The following ITGAX variants were observed in gnomAD, a reference collection of about 807,000 sequenced individuals.
The protein encoded by ITGAX is integrin alpha-X.
In ITGAX, 99 loss-of-function variants were observed where a neutral mutation model predicts 140.2. That is an observed-to-expected ratio of 0.71 (90% CI 0.60 to 0.83). The LOEUF is 0.83. ITGAX is among the 40% of genes least tolerant of loss of function. The probability of loss-of-function intolerance (pLI) is 0.00; values close to 1 mark genes in which losing one functional copy is unlikely to be tolerated. For missense variants in ITGAX, 1,444 were observed against 1,482.0 expected (o/e 0.97, Z 0.42); for synonymous variants, 631 against 600.4 (o/e 1.05, Z -0.75).
At position 31,371,111 on chromosome 16, in the gene ITGAX, AG is replaced by A. The variant is rs774637560; in HGVS notation, c.1740del (p.Arg580SerfsTer9). 6.2e-7 allele frequency: 1 copy of A among 1,614,004 alleles called. No homozygotes were observed. The highest frequency in any genetic ancestry group is 8.5e-7 in the Non-Finnish European group (1 of 1,180,018). ...QRIAGSQLSS[R>X]LQYFGQALSG... ...GATCGCGGGCTCCCAGCTCTCCTCC[AG>A]GCTGCAGTATTTTGGGCAGGCACTG... On this transcript the variant is annotated frameshift_variant, in exon 15 of 30. Transcript: ENST00000268296. LOFTEE classifies it high-confidence loss of function.
At chr16:31,355,324 G>A in intron 1 of ITGAX, 33 bp downstream of exon 1, 1 of 1,612,778 alleles carries the variant, frequency 6.2e-7, no homozygotes, top group African/African-American at 1.3e-5. Context: ...TAGGGCTGGG[G>A]ACCCAGGCCC....
In ITGAX at chr16:31,377,490, T is replaced by C. The variant is rs77124243; in HGVS notation, c.2789+225T>C. On this transcript the variant is annotated intron_variant, in intron 23 of 29. Transcript: ENST00000268296. Reference sequence around the variant, plus strand: ...TTTCCATACATTCATTTGACATTCATTGAAGATTTACTGAGCCCCCATTAT... The same window carrying C: ...TTTCCATACATTCATTTGACATTCACTGAAGATTTACTGAGCCCCCATTAT... Among the ~76,000 whole-genome samples the C allele has an allele frequency of 3.9e-3, 593 of 152,308 alleles. 7 individuals are homozygous for C. Among genetic ancestry groups the C allele is most frequent in the African/African-American group, 0.013 (550 of 41,570 alleles).
rs771874041 is a variant in ITGAX at position 31,357,160 on chromosome 16, G to A, written c.318+59G>A. ...GGAGGGAGGGAGGAGCCGGGGCCGC[G>A]GGGGGCTGGGAGTCTCCTGTAGGGT... On this transcript the variant is annotated intron_variant, in intron 4 of 29. Coordinates refer to ENST00000268296, the MANE Select transcript of ITGAX (RefSeq NM_000887.5). The A allele has an allele frequency of 2.9e-5, 45 of 1,564,106 alleles. No individual in the cohort carries two copies. In the African/African-American group the frequency reaches 5.3e-4, roughly 18 times the overall value.
rs201888111 is a variant in ITGAX, at chr16:31,379,807, G to A, written c.2919G>A (p.Val973=). The A allele has an allele frequency of 5.6e-6, 9 of 1,614,180 alleles. No individual in the cohort carries two copies. The highest frequency in any genetic ancestry group is 7.6e-6 in the Non-Finnish European group (9 of 1,180,030). ...TGCCTGTCAGCATCAACTTCTGGGTGCCTGTGGAGCTGAACCAGGAGGCTG... is the reference window on the plus strand; with the variant it reads ...TGCCTGTCAGCATCAACTTCTGGGTACCTGTGGAGCTGAACCAGGAGGCTG... ...RDLPVSINFW[V]PVELNQEAVW... is the part of the protein sequence containing the mutation. Residue 973 remains valine (V), a synonymous_variant, in exon 25 of 30, where the codon GTG becomes GTA. Coordinates refer to ENST00000268296, the MANE Select transcript of ITGAX (RefSeq NM_000887.5).
chr16:31,362,435 G>A (rs1375450704), intron 11 of ITGAX, among the ~76,000 whole-genome samples, 176 bp from the exon 12 acceptor site: 3 of 141,480 alleles, frequency 2.1e-5, no homozygotes, highest in Non-Finnish European at 3.1e-5. Flanking sequence ...GGGGATGGGC[G>A]CTGTGCTGCC....
chr16:31,377,384 G>T (rs1455075915), intron 23 of ITGAX, 119 bp downstream of exon 23: 2 of 789,972 alleles, frequency 2.5e-6, no homozygotes, highest in South Asian at 1.8e-5. Flanking sequence ...AAACTAAAAG[G>T]TCAGGTGTTT....
intron 20 of ITGAX, among the ~76,000 whole-genome samples, chr16:31,376,462 A>AT (rs1188100793): frequency 6.6e-6 from 1 of 152,156 alleles, no homozygotes; most frequent in East Asian, 1.9e-4. Context: ...TTATAAAAAA[A>AT]TTTTTTTAAA....
chr16:31,368,521 T>C (rs939381373), intron 14 of ITGAX, among the ~76,000 whole-genome samples: 3 of 151,092 alleles, frequency 2.0e-5, no homozygotes, highest in African/African-American at 7.3e-5. Flanking sequence ...AAAAGAATAT[T>C]ATATAAACGT....
At chr16:31,378,301 G>A (rs563641403) in intron 23 of ITGAX, among the ~76,000 whole-genome samples, 1 of 152,232 alleles carries the variant, frequency 6.6e-6, no homozygotes, top group African/African-American at 2.4e-5. Flanking sequence ...GTGTCCCACA[G>A]AGCCCTGGCA....
rs141069192 is a variant in ITGAX at position 31,360,395 on chromosome 16, G to T, written c.793G>T (p.Asp265Tyr). ...CATCACTGATGGGAAGAAAGAAGGC[G>T]ACAGCCTGGATTATAAGGATGTCAT... ...IVITDGKKEGDSLDYKDVIPM... is the reference protein window; with the variant it reads ...IVITDGKKEGYSLDYKDVIPM... Residue 265 changes from aspartate (D) to tyrosine (Y), a missense_variant, in exon 8 of 30, where the codon GAC becomes TAC. By Grantham distance (160) the Asp-to-Tyr change is radical (BLOSUM62 -3). Coordinates refer to ENST00000268296, the MANE Select transcript of ITGAX (RefSeq NM_000887.5). 216 of 1,613,932 alleles carry T rather than the reference G, an allele frequency of 1.3e-4. No homozygotes were observed. Among genetic ancestry groups the T allele is most frequent in the Non-Finnish European group, 1.8e-4 (207 of 1,179,988 alleles).
rs1171340984 is a variant in ITGAX, at chr16:31,362,213, C to T, written c.1216+9C>T. On this transcript the variant is annotated intron_variant, in intron 11 of 29. Coordinates refer to ENST00000268296, the MANE Select transcript of ITGAX (RefSeq NM_000887.5). The stretch of plus-strand genomic sequence containing the variant: ...GAGGGACTCTTACCTGGGTGAGAAA[C>T]AGCCAGGGGTTGGGGACAGGTGGGA... 2.5e-6 allele frequency: 4 copies of T among 1,613,558 alleles called. No homozygotes were observed. The highest frequency in any genetic ancestry group is 2.2e-5 in the South Asian group (2 of 91,070).
rs2081054953 is a variant in ITGAX, at chr16:31,380,132, A to G, written c.3060+67A>G. On this transcript the variant is annotated intron_variant, in intron 26 of 29. Coordinates refer to ENST00000268296, the MANE Select transcript of ITGAX (RefSeq NM_000887.5). ...TCAGAGGAATTTAACCCAGGAGTTC[A>G]TGTTCCATATCCATCCTGCTGAAGT... 5 of 1,561,338 alleles carry G rather than the reference A, an allele frequency of 3.2e-6. No individual in the cohort carries two copies. In the East Asian group the frequency reaches 6.7e-5, roughly 21 times the overall value.
At chr16:31,362,017 G>A in intron 10 of ITGAX, 58 bp from the exon 11 acceptor site, 1 of 1,613,688 alleles carries the variant, frequency 6.2e-7, no homozygotes, top group African/African-American at 1.3e-5. Flanking sequence ...GCATATCTCT[G>A]GTACATGCTG....
rs2080744945 is a variant in ITGAX at position 31,355,193 on chromosome 16, C to T, written c.-62C>T. ...CTCTGCCCACTTGCTTCCTCAGTAC[C>T]TTGGTCCAGCTCTTCCTGCAACGGC... On this transcript the variant is annotated 5_prime_UTR_variant, in exon 1 of 30. Transcript: ENST00000268296. The T allele has an allele frequency of 6.3e-7, 1 of 1,591,872 alleles. No individual in the cohort carries two copies. Among genetic ancestry groups the T allele is most frequent in the African/African-American group, 1.3e-5 (1 of 74,424 alleles).
intron 26 of ITGAX, 95 bp downstream of exon 26, chr16:31,380,160 C>G (rs558616437): frequency 1.3e-6 from 2 of 1,524,350 alleles, no homozygotes; most frequent in South Asian, 2.3e-5. Context: ...GCTGAAGTAC[C>G]CTCTTGCATT....
chr16:31,363,557 T>G (rs745949065), intron 14 of ITGAX, among the ~76,000 whole-genome samples, 183 bp downstream of exon 14: 3 of 152,238 alleles, frequency 2.0e-5, no homozygotes, highest in Non-Finnish European at 4.4e-5. Flanking sequence ...AGCGATTCTC[T>G]GCCTCAGCCT....
rs758632524 is a variant in ITGAX, at chr16:31,362,633, C to G, written c.1239C>G (p.Leu413=). 2 of 1,612,528 alleles carry G rather than the reference C, an allele frequency of 1.2e-6. No homozygotes were observed. The highest frequency in any genetic ancestry group is 1.3e-5 in the African/African-American group (1 of 74,846). The change falls in exon 12 of 30, where the codon CTC becomes CTG. Residue 413 remains leucine, a synonymous_variant. Transcript: ENST00000268296. ...SYLGYSTELA[L]WKGVQSLVLG... is the part of the protein sequence containing the mutation. Reference sequence around the variant, plus strand: ...CAGGTTACTCCACCGAGCTGGCCCTCTGGAAAGGGGTGCAGAGCCTGGTCC... The same window carrying G: ...CAGGTTACTCCACCGAGCTGGCCCTGTGGAAAGGGGTGCAGAGCCTGGTCC...
intron 14 of ITGAX, among the ~76,000 whole-genome samples, chr16:31,369,181 C>T (rs1381183976): frequency 3.3e-5 from 5 of 151,468 alleles, no homozygotes; most frequent in Non-Finnish European, 5.9e-5. Context: ...CCAGTAGGGG[C>T]GGCCGGGCAG....
intron 4 of ITGAX, 39 bp downstream of exon 4, chr16:31,357,140 G>A: frequency 6.3e-7 from 1 of 1,592,590 alleles, no homozygotes; most frequent in South Asian, 1.1e-5. Context: ...CTGAGGGAGG[G>A]AGGGAGGAGC....
Sources: gnomAD v4.1 joint callset for allele counts (sites outside exome capture counted in the v4.1 genomes callset) on GRCh38, gnomAD v4.1.1 for gene constraint, MANE v1.5 for transcripts, NCBI Gene and HGNC (gene_info 2026-07-23, HGNC 2026-07-21) for gene names.